ATP9A: variants seen among roughly 807,000 people sequenced by gnomAD.
The protein encoded by ATP9A is ATPase phospholipid transporting 9A.
In ATP9A, 52 loss-of-function variants were observed where a neutral mutation model predicts 144.1. The observed-to-expected ratio is 0.36, with a 90% CI of 0.29 to 0.45. The LOEUF (loss-of-function observed/expected upper bound fraction) is 0.45. Among genes scored for constraint, ATP9A ranks in the 20% least tolerant of loss-of-function variants. The pLI, the probability that ATP9A is intolerant of heterozygous loss-of-function variation, is 1.00. For synonymous variants in ATP9A, 582 were observed against 557.4 expected (o/e 1.04, Z -0.62); for missense variants, 947 against 1,392.7 (o/e 0.68, Z 5.09).
At position 51,597,785 on chromosome 20, in the gene ATP9A, A is replaced by C. The variant is rs1424450784; in HGVS notation, c.*3426T>G. 1 of 152,096 alleles carries C rather than the reference A, an allele frequency of 6.6e-6. No individual in the cohort carries two copies. Among genetic ancestry groups the C allele is most frequent in the Non-Finnish European group, 1.5e-5 (1 of 68,018 alleles). 9.4% of individuals were successfully genotyped at this position (152,096 alleles called of 1,614,324 possible). On this transcript the variant is annotated 3_prime_UTR_variant, in exon 28 of 28. Transcript: ENST00000338821. ...TAGCATATCAATTTCCAATGAGCAC[A>C]AAATTCAAAATACATTAAAAAGTAG...
intron 1 of ATP9A, among the ~76,000 whole-genome samples, chr20:51,744,813 C>T (rs937119778): frequency 1.3e-5 from 2 of 152,182 alleles, no homozygotes; most frequent in African/African-American, 4.8e-5. Flanking sequence ...TGACGCTGGG[C>T]AGATCCAAGA....
intron 9 of ATP9A, among the ~76,000 whole-genome samples, chr20:51,677,259 A>G (rs371171108): frequency 1.4e-4 from 21 of 152,244 alleles, no homozygotes; most frequent in African/African-American, 4.8e-4. Flanking sequence ...GAGAACATCA[A>G]AGGTTTTACA....
intron 1 of ATP9A, among the ~76,000 whole-genome samples, chr20:51,753,628 T>G (rs1028566604): frequency 6.6e-6 from 1 of 151,964 alleles, no homozygotes; most frequent in Admixed American, 6.6e-5. Context: ...GCATTTCCTT[T>G]ATCAGTTTTC....
At chr20:51,671,438 C>T (rs563172250) in intron 11 of ATP9A, among the ~76,000 whole-genome samples, 181 bp from the exon 12 acceptor site, 12 of 151,956 alleles carry the variant, frequency 7.9e-5, no homozygotes, top group South Asian at 2.1e-4. Context: ...AAGTCACACA[C>T]GGAACAAATC....
chr20:51,690,231 T>C (rs111671063), intron 8 of ATP9A, among the ~76,000 whole-genome samples: 44 of 148,056 alleles, frequency 3.0e-4, no homozygotes, highest in South Asian at 4.4e-4. Context: ...CCATCCTGGC[T>C]AACACCGTGA....
chr20:51,743,102 T>G (rs531204024), intron 1 of ATP9A, among the ~76,000 whole-genome samples: 3 of 152,294 alleles, frequency 2.0e-5, no homozygotes, highest in African/African-American at 7.2e-5. Flanking sequence ...ACAAGAGAAG[T>G]GACAGCCAGC....
intron 9 of ATP9A, among the ~76,000 whole-genome samples, chr20:51,688,652 C>G (rs2077534073): frequency 6.6e-6 from 1 of 152,074 alleles, no homozygotes; most frequent in South Asian, 2.1e-4. Context: ...TATCCACTTC[C>G]TCTTGGTGTT....
At chr20:51,644,265 A>G (rs2077332265) in intron 14 of ATP9A, among the ~76,000 whole-genome samples, 1 of 112,540 alleles carries the variant, frequency 8.9e-6, no homozygotes, top group African/African-American at 3.0e-5. Flanking sequence ...TTTTACTTCT[A>G]GCTTTTTTTT....
intron 1 of ATP9A, among the ~76,000 whole-genome samples, chr20:51,752,121 G>C (rs1373028231): frequency 6.6e-6 from 1 of 152,124 alleles, no homozygotes; most frequent in African/African-American, 2.4e-5. Flanking sequence ...CAGAGTGAAT[G>C]GTCTGGAAAG....
intron 18 of ATP9A, among the ~76,000 whole-genome samples, chr20:51,622,954 C>T (rs2077232939): frequency 6.6e-6 from 1 of 152,140 alleles, no homozygotes; most frequent in Admixed American, 6.5e-5. Flanking sequence ...CCACTACGTG[C>T]CCAGCACCCA....
At chr20:51,669,968 GT>G (rs1397086667) in intron 13 of ATP9A, 28 bp downstream of exon 13, 1 of 1,496,480 alleles carries the variant, frequency 6.7e-7, no homozygotes, top group Non-Finnish European at 9.3e-7. Flanking sequence ...TCAAAGAATT[GT>G]TTTGGGTGTT....
At chr20:51,737,788 T>A (rs962463833) in intron 1 of ATP9A, among the ~76,000 whole-genome samples, 1 of 152,172 alleles carries the variant, frequency 6.6e-6, no homozygotes, top group African/African-American at 2.4e-5. Flanking sequence ...TTTGAACTTG[T>A]ATGCTTCAAG....
At chr20:51,641,536 C>T (rs1034290762) in intron 14 of ATP9A, among the ~76,000 whole-genome samples, 1 of 150,868 alleles carries the variant, frequency 6.6e-6, no homozygotes, top group Non-Finnish European at 1.5e-5. Flanking sequence ...ATAATAGAGC[C>T]GGGCGCGGTG....
chr20:51,765,768 C>T (rs1295756082), intron 1 of ATP9A, among the ~76,000 whole-genome samples: 5 of 151,992 alleles, frequency 3.3e-5, no homozygotes, highest in Admixed American at 3.3e-4. Flanking sequence ...CCAGCCTGGC[C>T]AACATGGTGA....
intron 13 of ATP9A, among the ~76,000 whole-genome samples, chr20:51,662,560 A>T (rs565096985): frequency 1.5e-3 from 179 of 120,380 alleles, no homozygotes; most frequent in African/African-American, 3.0e-3. Context: ...AAAAAAAAAA[A>T]TTTTTTTTCA....
intron 1 of ATP9A, among the ~76,000 whole-genome samples, chr20:51,745,047 G>A (rs920193489): frequency 5.3e-5 from 8 of 151,992 alleles, no homozygotes; most frequent in African/African-American, 1.2e-4. Context: ...AGGCCAAGGC[G>A]GGTGGATCAA....
intron 19 of ATP9A, among the ~76,000 whole-genome samples, chr20:51,621,324 C>G (rs373909026): frequency 6.6e-6 from 1 of 151,980 alleles, no homozygotes; most frequent in South Asian, 2.1e-4. Context: ...TTTCAAAAAT[C>G]CCTGGATTTT....
chr20:51,659,696 C>A (rs2077403300), intron 13 of ATP9A, among the ~76,000 whole-genome samples: 2 of 152,196 alleles, frequency 1.3e-5, no homozygotes, highest in African/African-American at 4.8e-5. Flanking sequence ...ACTTTACACC[C>A]ATGACACCCG....
intron 1 of ATP9A, among the ~76,000 whole-genome samples, chr20:51,737,499 T>G (rs1239577249): frequency 6.6e-6 from 1 of 152,176 alleles, no homozygotes; most frequent in South Asian, 2.1e-4. Context: ...TGGGGCCCAA[T>G]ATATATACAT....
Sources: allele counts gnomAD v4.1 joint callset (sites outside exome capture counted in the v4.1 genomes callset), GRCh38; gene constraint gnomAD v4.1.1; transcripts MANE v1.5; gene names NCBI Gene and HGNC (gene_info 2026-07-23, HGNC 2026-07-21).